SORCS1: variants seen among roughly 807,000 people sequenced by gnomAD.
SORCS1 encodes sortilin related VPS10 domain containing receptor 1, also known as VPS10 domain-containing receptor SorCS1.
A neutral mutation model predicts 146.1 loss-of-function variants in SORCS1; 60 were observed. That is an observed-to-expected ratio of 0.41 (90% CI 0.33 to 0.51). The LOEUF (loss-of-function observed/expected upper bound fraction) is 0.51. Among genes scored for constraint, SORCS1 ranks in the 20% least tolerant of loss-of-function variants. The pLI, the probability that SORCS1 is intolerant of heterozygous loss-of-function variation, is 0.21. For missense variants in SORCS1, 1,352 were observed against 1,487.6 expected, an observed-to-expected ratio of 0.91 and a Z score of 1.50; for synonymous variants, 637 against 584.0, an observed-to-expected ratio of 1.09 and a Z score of -1.31.
chr10:107,120,868 G>A (rs548375338), intron 1 of SORCS1, among the ~76,000 whole-genome samples: 2 of 152,214 alleles, frequency 1.3e-5, no homozygotes, highest in East Asian at 3.9e-4. Flanking sequence ...GAAATCCCTA[G>A]GTTCTATGTT....
intron 3 of SORCS1, among the ~76,000 whole-genome samples, chr10:106,825,269 CT>C (rs35830829): frequency 1.1e-3 from 137 of 119,172 alleles, no homozygotes; most frequent in Middle Eastern, 4.5e-3. Flanking sequence ...GAGATTTCAA[CT>C]TTTTTTTTTT....
chr10:107,048,718 G>A (rs1416768233), intron 1 of SORCS1, among the ~76,000 whole-genome samples: 1 of 152,120 alleles, frequency 6.6e-6, no homozygotes, highest in Non-Finnish European at 1.5e-5. Context: ...CATCGTAGGT[G>A]ACACCATTTT....
intron 1 of SORCS1, among the ~76,000 whole-genome samples, chr10:107,080,357 T>C (rs1334762058): frequency 6.6e-6 from 1 of 152,172 alleles, no homozygotes; most frequent in Non-Finnish European, 1.5e-5. Context: ...AAAATGAGAT[T>C]ATCTCCCTTG....
At chr10:106,929,436 G>A (rs1044408675) in intron 2 of SORCS1, among the ~76,000 whole-genome samples, 1 of 151,820 alleles carries the variant, frequency 6.6e-6, no homozygotes, top group Non-Finnish European at 1.5e-5. Context: ...GAGATCTACA[G>A]AGATGTGGCT....
At chr10:106,844,389 C>G (rs910988291) in intron 2 of SORCS1, among the ~76,000 whole-genome samples, 2 of 151,808 alleles carry the variant, frequency 1.3e-5, no homozygotes, top group African/African-American at 4.8e-5. Context: ...TTTCTAAGAC[C>G]AATATTGAGG....
At chr10:106,822,802 T>TTTTTTTTTTTTTTG (rs994708912) in intron 3 of SORCS1, among the ~76,000 whole-genome samples, 25 of 140,186 alleles carry the variant, frequency 1.8e-4, no homozygotes, top group East Asian at 6.9e-4. Context: ...TTTTTTTTTT[T>TTTTTTTTTTTTTTG]GAATATTGCT....
In SORCS1 at chr10:106,829,691, C is replaced by T. The variant is rs1417841621; in HGVS notation, c.627-18G>A. ...CGGTTGACCTATAATCCAAAAAGAG[C>T]ATTAATGAGGACAGAAGTATATGTC... On this transcript the variant is annotated intron_variant, in intron 2 of 25. Transcript: ENST00000263054. 13 of 1,579,860 alleles carry T rather than the reference C, an allele frequency of 8.2e-6. No homozygotes were observed. Among genetic ancestry groups the T allele is most frequent in the African/African-American group, 1.3e-5 (1 of 74,342 alleles).
intron 3 of SORCS1, among the ~76,000 whole-genome samples, chr10:106,799,420 A>G (rs1485020658): frequency 6.6e-6 from 1 of 152,232 alleles, no homozygotes; most frequent in African/African-American, 2.4e-5. Context: ...CAGCCAAAGA[A>G]ACTACCATCA....
chr10:106,949,244 T>A (rs572094545), intron 2 of SORCS1, among the ~76,000 whole-genome samples: 85 of 152,304 alleles, frequency 5.6e-4, no homozygotes, highest in African/African-American at 1.9e-3. Flanking sequence ...TATTATTATT[T>A]TTTCTTTTTA....
At chr10:106,800,001 T>C (rs1242953486) in intron 3 of SORCS1, among the ~76,000 whole-genome samples, 56 of 152,182 alleles carry the variant, frequency 3.7e-4, no homozygotes, top group South Asian at 2.1e-4. Flanking sequence ...AACTATTATA[T>C]GCATTGCCAC....
intron 9 of SORCS1, among the ~76,000 whole-genome samples, chr10:106,692,602 C>T (rs1475350295): frequency 6.6e-6 from 1 of 152,276 alleles, no homozygotes; most frequent in East Asian, 1.9e-4. Context: ...AGTGGGCAAA[C>T]TGTATGATAT....
chr10:107,119,233 G>C (rs370646246), intron 1 of SORCS1, among the ~76,000 whole-genome samples: 2 of 152,336 alleles, frequency 1.3e-5, no homozygotes. Context: ...TAAGGGTTTA[G>C]AGATGAATCA....
chr10:106,731,367 A>G (rs906727584), intron 5 of SORCS1, among the ~76,000 whole-genome samples: 3 of 151,134 alleles, frequency 2.0e-5, no homozygotes, highest in Non-Finnish European at 4.4e-5. Flanking sequence ...GACCCTGCAC[A>G]GACTGGGTCC....
At chr10:106,746,809 C>T (rs1389125947) in intron 5 of SORCS1, among the ~76,000 whole-genome samples, 3 of 152,200 alleles carry the variant, frequency 2.0e-5, no homozygotes, top group African/African-American at 7.2e-5. Context: ...AGGCTTGTGC[C>T]TGATGTGGTT....
chr10:106,838,684 GT>G (rs1260488116), intron 2 of SORCS1, among the ~76,000 whole-genome samples: 7 of 152,218 alleles, frequency 4.6e-5, no homozygotes, highest in African/African-American at 1.7e-4. Flanking sequence ...GGCATACCTT[GT>G]TTTATTGCAC....
chr10:106,989,663 T>A (rs1284071410), intron 1 of SORCS1, among the ~76,000 whole-genome samples: 1 of 140,954 alleles, frequency 7.1e-6, no homozygotes, highest in Non-Finnish European at 1.6e-5. Context: ...ATACTCATAT[T>A]TTTTCTGTTT....
At chr10:106,851,334 T>A (rs1430346643) in intron 2 of SORCS1, among the ~76,000 whole-genome samples, 1 of 152,226 alleles carries the variant, frequency 6.6e-6, no homozygotes, top group African/African-American at 2.4e-5. Context: ...GCATTTTACA[T>A]TTAGGTCTAT....
chr10:107,025,177 A>G lies in SORCS1; in HGVS notation c.559-68597T>C, dbSNP rs577690938. 6.6e-5 allele frequency among the ~76,000 whole-genome samples: 10 copies of G among 152,224 alleles called. 1 individual carries two copies. The highest frequency in any genetic ancestry group is 1.2e-4 in the Non-Finnish European group (8 of 68,032). On this transcript the variant is annotated intron_variant, in intron 1 of 25. Transcript: ENST00000263054. ...TAAATGGGTTGCTTAGGTAGTAAAA[A>G]GTACTGAAAATGTTAAAACCTTTAA...
chr10:107,082,473 T>C (rs1963403832), intron 1 of SORCS1, among the ~76,000 whole-genome samples: 1 of 152,148 alleles, frequency 6.6e-6, no homozygotes, highest in Non-Finnish European at 1.5e-5. Context: ...TTCTTTTTTT[T>C]TCTTTTCTTT....
Sources: allele counts gnomAD v4.1 joint callset (sites outside exome capture counted in the v4.1 genomes callset), GRCh38; gene constraint gnomAD v4.1.1; transcripts MANE v1.5; gene names NCBI Gene and HGNC (gene_info 2026-07-23, HGNC 2026-07-21).